The following OXR1 variants were observed in gnomAD, a reference collection of about 807,000 sequenced individuals.
OXR1 encodes oxidation resistance 1.
A neutral mutation model predicts 104.6 loss-of-function variants in OXR1; 41 were observed. The ratio of observed to expected loss-of-function variants is 0.39; its 90% CI spans 0.31 to 0.51. OXR1 has a LOEUF of 0.51. Among genes scored for constraint, OXR1 ranks in the 20% least tolerant of loss-of-function variants. The pLI is 0.77. For missense variants in OXR1, 955 were observed against 1,031.9 expected, an observed-to-expected ratio of 0.93 and a Z score of 1.02; for synonymous variants, 348 against 348.4, an observed-to-expected ratio of 1.00 and a Z score of 0.01.
intron 3 of OXR1, among the ~76,000 whole-genome samples, chr8:106,547,166 G>C (rs575148124): frequency 6.6e-6 from 1 of 152,172 alleles, no homozygotes; most frequent in Non-Finnish European, 1.5e-5. Flanking sequence ...TGGGATTACA[G>C]GCGTGAGCCA....
At chr8:106,282,545 A>C (rs1055545896) in intron 1 of OXR1, among the ~76,000 whole-genome samples, 1 of 152,226 alleles carries the variant, frequency 6.6e-6, no homozygotes, top group Non-Finnish European at 1.5e-5. Flanking sequence ...CCTTACCAAT[A>C]ACATGGCTAT....
intron 14 of OXR1, among the ~76,000 whole-genome samples, chr8:106,740,700 G>A (rs746613668): frequency 2.6e-5 from 4 of 152,104 alleles, no homozygotes; most frequent in Non-Finnish European, 5.9e-5. Flanking sequence ...CCTTCAAAGG[G>A]ATTATAGAGT....
chr8:106,737,128 G>C (rs1457001755), intron 11 of OXR1, among the ~76,000 whole-genome samples: 1 of 152,104 alleles, frequency 6.6e-6, no homozygotes, highest in African/African-American at 2.4e-5. Flanking sequence ...ACCTGATTTG[G>C]AGGGGGTAGT....
intron 3 of OXR1, among the ~76,000 whole-genome samples, chr8:106,587,067 G>C (rs1234970776): frequency 6.6e-6 from 1 of 152,210 alleles, no homozygotes; most frequent in Non-Finnish European, 1.5e-5. Flanking sequence ...GAAAGTAACA[G>C]AGTATTTTTA....
intron 2 of OXR1, among the ~76,000 whole-genome samples, chr8:106,423,402 T>A (rs1309318021): frequency 1.3e-5 from 2 of 152,162 alleles, no homozygotes; most frequent in Non-Finnish European, 1.5e-5. Flanking sequence ...GAACTGTCAT[T>A]CAAACTAAAT....
intron 3 of OXR1, among the ~76,000 whole-genome samples, chr8:106,598,616 T>C (rs1586873784): frequency 1.3e-5 from 2 of 152,350 alleles, no homozygotes; most frequent in South Asian, 4.1e-4. Flanking sequence ...CTACATATTA[T>C]ATAAGCTGTA....
chr8:106,750,659 AAAAC>A, intron 16 of OXR1, 143 bp from the exon 17 acceptor site: 1 of 589,636 alleles, frequency 1.7e-6, no homozygotes, highest in Non-Finnish European at 2.9e-6. Context: ...GAATAGGAGT[AAAAC>A]AAAATTGTGT....
intron 2 of OXR1, among the ~76,000 whole-genome samples, chr8:106,488,589 T>A (rs1452111077): frequency 6.6e-6 from 1 of 151,746 alleles, no homozygotes; most frequent in Non-Finnish European, 1.5e-5. Context: ...CCATCTTGAA[T>A]TGATTTTTGT....
rs1167320735 is a variant in OXR1, at chr8:106,447,378, G to A, written c.24-71565G>A. On this transcript the variant is annotated intron_variant, in intron 2 of 16. Coordinates refer to ENST00000517566, the MANE Select transcript of OXR1 (RefSeq NM_001198533.2). ...GAGGGAAGTATGGTAAAGTGCTGAA[G>A]AAGTCAGTGTCTGGGTTCTTACAGG... 9.2e-5 allele frequency among the ~76,000 whole-genome samples: 14 copies of A among 152,184 alleles called. No homozygotes were observed. The East Asian group carries it at 2.7e-3, about 29-fold the overall frequency.
chr8:106,569,042 A>G (rs984404142), intron 3 of OXR1, among the ~76,000 whole-genome samples: 3 of 152,096 alleles, frequency 2.0e-5, no homozygotes, highest in Non-Finnish European at 2.9e-5. Context: ...CGTACTGGAT[A>G]CCCTTTTAAA....
intron 6 of OXR1, among the ~76,000 whole-genome samples, chr8:106,687,782 T>C (rs1349549871): frequency 6.6e-6 from 1 of 151,950 alleles, no homozygotes; most frequent in Non-Finnish European, 1.5e-5. Context: ...AAGTATTGTA[T>C]CCATTTTATA....
intron 2 of OXR1, among the ~76,000 whole-genome samples, chr8:106,475,737 T>A (rs1054448288): frequency 2.6e-5 from 4 of 152,024 alleles, no homozygotes; most frequent in Non-Finnish European, 5.9e-5. Flanking sequence ...TTTCTGGCAT[T>A]GCTTTTCTTA....
chr8:106,372,789 T>C (rs55876962), intron 2 of OXR1, among the ~76,000 whole-genome samples: 14,955 of 152,242 alleles, frequency 0.098, 1,222 homozygotes, highest in African/African-American at 0.22. Context: ...TATCCAAGAT[T>C]CAAAACATTA....
chr8:106,619,600 T>G (rs1255615303), intron 3 of OXR1, among the ~76,000 whole-genome samples: 1 of 152,170 alleles, frequency 6.6e-6, no homozygotes, highest in African/African-American at 2.4e-5. Context: ...ATGCCAAATA[T>G]TTAATCAATT....
At chr8:106,681,178 G>A (rs1255999234) in intron 4 of OXR1, among the ~76,000 whole-genome samples, 1 of 152,132 alleles carries the variant, frequency 6.6e-6, no homozygotes, top group Non-Finnish European at 1.5e-5. Context: ...TAGAATCACT[G>A]TGAGAATAAA....
chr8:106,587,996 G>A (rs1818777335), intron 3 of OXR1, among the ~76,000 whole-genome samples: 1 of 151,074 alleles, frequency 6.6e-6, no homozygotes, highest in Admixed American at 6.6e-5. Flanking sequence ...CTGTCACCCA[G>A]GCTGGAGTGC....
chr8:106,276,865 T>G (rs1812068579), intron 1 of OXR1, among the ~76,000 whole-genome samples: 1 of 151,942 alleles, frequency 6.6e-6, no homozygotes, highest in Non-Finnish European at 1.5e-5. Flanking sequence ...CTAATTGGGA[T>G]GAAAATAAGT....
chr8:106,486,939 G>A (rs1354797841), intron 2 of OXR1, among the ~76,000 whole-genome samples: 1 of 151,148 alleles, frequency 6.6e-6, no homozygotes, highest in Non-Finnish European at 1.5e-5. Flanking sequence ...AAATTTTGAA[G>A]TTCAACGAAA....
chr8:106,493,212 A>G (rs1319478599), intron 2 of OXR1, among the ~76,000 whole-genome samples: 1 of 152,148 alleles, frequency 6.6e-6, no homozygotes, highest in Non-Finnish European at 1.5e-5. Context: ...GAGAAAAGCT[A>G]TTTTAGCCTG....
Sources: gnomAD v4.1 joint callset for allele counts (sites outside exome capture counted in the v4.1 genomes callset) on GRCh38, gnomAD v4.1.1 for gene constraint, MANE v1.5 for transcripts, NCBI Gene and HGNC (gene_info 2026-07-23, HGNC 2026-07-21) for gene names.